CSMD1: variants seen among roughly 807,000 people sequenced by gnomAD.
The protein encoded by CSMD1 is CUB and sushi domain-containing protein 1.
A neutral mutation model predicts 417.5 loss-of-function variants in CSMD1; 213 were observed. That is an observed-to-expected ratio of 0.51 (90% CI 0.46 to 0.57). The LOEUF is 0.57. Ranked by LOEUF, CSMD1 falls within the 20% of genes least tolerant of loss-of-function variation. The pLI is 0.00. For missense variants in CSMD1, 6,923 were observed against 4,529.7 expected (o/e 1.53, Z -15.17); for synonymous variants, 2,862 against 1,736.8 (o/e 1.65, Z -16.11).
chr8:3,209,234 A>G (rs1486057351), intron 30 of CSMD1, among the ~76,000 whole-genome samples: 1 of 152,212 alleles, frequency 6.6e-6, no homozygotes, highest in Non-Finnish European at 1.5e-5. Flanking sequence ...CGTTTCATAC[A>G]TGAACAACAT....
chr8:4,261,346 A>G (rs369817840), intron 3 of CSMD1, among the ~76,000 whole-genome samples: 13 of 152,264 alleles, frequency 8.5e-5, no homozygotes, highest in African/African-American at 2.6e-4. Context: ...TTAGATGTGG[A>G]ATCTAAGAAC....
chr8:4,017,170 G>T (rs948395239), intron 4 of CSMD1, among the ~76,000 whole-genome samples: 7 of 152,180 alleles, frequency 4.6e-5, no homozygotes, highest in Non-Finnish European at 7.3e-5. Context: ...TTTTGTGTAT[G>T]TTGAAGCTTC....
intron 7 of CSMD1, among the ~76,000 whole-genome samples, chr8:3,666,018 A>G (rs1459911293): frequency 1.3e-5 from 2 of 152,022 alleles, no homozygotes; most frequent in Non-Finnish European, 2.9e-5. Flanking sequence ...CTCAGCCTCC[A>G]CGGAGTAGGT....
chr8:3,793,861 G>C (rs1262224594), intron 5 of CSMD1, among the ~76,000 whole-genome samples: 2 of 152,126 alleles, frequency 1.3e-5, no homozygotes, highest in African/African-American at 4.8e-5. Context: ...AATATTGACT[G>C]AGTGTCGCTG....
At chr8:4,301,183 C>G (rs1036118947) in intron 3 of CSMD1, among the ~76,000 whole-genome samples, 2 of 152,240 alleles carry the variant, frequency 1.3e-5, no homozygotes, top group South Asian at 4.2e-4. Context: ...TGGGGCAGCT[C>G]TCCTGGGTAG....
intron 12 of CSMD1, among the ~76,000 whole-genome samples, chr8:3,460,318 C>A (rs1013735457): frequency 1.3e-5 from 2 of 152,084 alleles, no homozygotes; most frequent in African/African-American, 4.8e-5. Context: ...ATTTGAAGAT[C>A]AGGAAGTTCC....
chr8:3,506,445 T>G (rs1585270721), intron 10 of CSMD1, among the ~76,000 whole-genome samples: 1 of 152,198 alleles, frequency 6.6e-6, no homozygotes, highest in Non-Finnish European at 1.5e-5. Context: ...AGTACTCACA[T>G]TCTCACCACT....
intron 5 of CSMD1, among the ~76,000 whole-genome samples, chr8:3,801,040 T>G (rs1211310487): frequency 6.6e-6 from 1 of 152,052 alleles, no homozygotes; most frequent in Non-Finnish European, 1.5e-5. Flanking sequence ...GAGTAAATCT[T>G]TATAACCGTG....
chr8:3,239,732 G>A (rs771921433), intron 26 of CSMD1, among the ~76,000 whole-genome samples: 38 of 152,324 alleles, frequency 2.5e-4, no homozygotes, highest in Non-Finnish European at 4.3e-4. Context: ...GGCGTGGGGC[G>A]ATTAGGCCTG....
chr8:4,255,582 G>A (rs1803397735), intron 3 of CSMD1, among the ~76,000 whole-genome samples: 1 of 152,178 alleles, frequency 6.6e-6, no homozygotes, highest in African/African-American at 2.4e-5. Flanking sequence ...CTAAGACACA[G>A]AAATCTTTGC....
At chr8:4,384,503 T>G (rs1803317990) in intron 3 of CSMD1, among the ~76,000 whole-genome samples, 1 of 152,240 alleles carries the variant, frequency 6.6e-6, no homozygotes. Context: ...GATCAAATAG[T>G]TGATACTGTG....
intron 7 of CSMD1, among the ~76,000 whole-genome samples, chr8:3,619,615 G>C (rs991115001): frequency 2.0e-5 from 3 of 151,988 alleles, no homozygotes; most frequent in Non-Finnish European, 4.4e-5. Flanking sequence ...ACACCTAGTA[G>C]GATAAACATC....
At chr8:4,585,461 A>G (rs1208459564) in intron 2 of CSMD1, among the ~76,000 whole-genome samples, 3 of 152,194 alleles carry the variant, frequency 2.0e-5, no homozygotes, top group African/African-American at 4.8e-5. Flanking sequence ...AATAAATAAC[A>G]TTTCCTCATA....
At chr8:4,651,138 G>C (rs961411852) in intron 1 of CSMD1, among the ~76,000 whole-genome samples, 10 of 152,038 alleles carry the variant, frequency 6.6e-5, no homozygotes, top group African/African-American at 2.4e-4. Context: ...GCTAAAATGA[G>C]TACTATAGTT....
chr8:4,458,447 G>C (rs1437200633), intron 2 of CSMD1, among the ~76,000 whole-genome samples: 1 of 152,146 alleles, frequency 6.6e-6, no homozygotes, highest in Non-Finnish European at 1.5e-5. Flanking sequence ...AAAACAGTCT[G>C]AAGTTAAAGT....
chr8:4,462,090 GTCTCAAAC>G (rs1199780264), intron 2 of CSMD1, among the ~76,000 whole-genome samples: 1 of 150,892 alleles, frequency 6.6e-6, no homozygotes, highest in Admixed American at 6.6e-5. Flanking sequence ...GCACAGGCTG[GTCTCAAAC>G]TCCTGGGCTC....
intron 3 of CSMD1, among the ~76,000 whole-genome samples, chr8:4,088,216 C>G (rs915910788): frequency 6.6e-6 from 1 of 152,200 alleles, no homozygotes; most frequent in Admixed American, 6.5e-5. Context: ...GATGACTGAT[C>G]TCTGCCTTCC....
At chr8:4,272,364 A>G (rs1400052703) in intron 3 of CSMD1, among the ~76,000 whole-genome samples, 1 of 152,176 alleles carries the variant, frequency 6.6e-6, no homozygotes, top group Non-Finnish European at 1.5e-5. Flanking sequence ...ATTGCTGTAC[A>G]TCCTTTCACC....
At position 2,963,155 on chromosome 8, in the gene CSMD1, G is replaced by A. The variant is rs974250061; in HGVS notation, c.9454+67C>T. On this transcript the variant is annotated intron_variant, in intron 60 of 69. Transcript: ENST00000635120. ...GGTCCTCAGATTGTAACCTTAGGAT[G>A]TGCCCTGGTTATCCGTCCCTGTTGC... 4.5e-6 allele frequency: 7 copies of A among 1,540,660 alleles called. No homozygotes were observed. The African/African-American group carries it at 5.4e-5, about 12-fold the overall frequency.
Sources: allele counts gnomAD v4.1 joint callset (sites outside exome capture counted in the v4.1 genomes callset), GRCh38; gene constraint gnomAD v4.1.1; transcripts MANE v1.5; gene names NCBI Gene and HGNC (gene_info 2026-07-23, HGNC 2026-07-21).